Variants in AMBN observed in about 807,000 individuals in gnomAD.
AMBN encodes the protein ameloblastin, also known as enamel matrix protein.
In AMBN, 54 loss-of-function variants were observed where a neutral mutation model predicts 48.0. The ratio of observed to expected loss-of-function variants is 1.12; its 90% confidence interval spans 0.90 to 1.41. The LOEUF is 1.41. Among genes scored for constraint, AMBN ranks in the 40% most tolerant of loss-of-function variants. The pLI is 0.00. For synonymous variants in AMBN, 186 were observed against 190.0 expected (o/e 0.98, Z 0.17); for missense variants, 571 against 547.3 (o/e 1.04, Z -0.43).
chr4:70,597,997 A>G (rs1737425712), intron 3 of AMBN, among the ~76,000 whole-genome samples: 1 of 152,144 alleles, frequency 6.6e-6, no homozygotes, highest in Admixed American at 6.5e-5. Context: ...CTGAACTTGT[A>G]AAGGGCAAAG....
intron 4 of AMBN, among the ~76,000 whole-genome samples, 180 bp downstream of exon 4, chr4:70,598,583 T>C (rs878993086): frequency 6.6e-6 from 1 of 152,126 alleles, no homozygotes; most frequent in African/African-American, 2.4e-5. Flanking sequence ...AAAAACAATA[T>C]TGAATTTTAT....
intron 2 of AMBN, among the ~76,000 whole-genome samples, chr4:70,596,461 A>T (rs1369988242): frequency 6.6e-6 from 1 of 152,156 alleles, no homozygotes; most frequent in Non-Finnish European, 1.5e-5. Flanking sequence ...TTACACATAA[A>T]ATAATCTTTC....
At position 70,602,961 on chromosome 4, in the gene AMBN, C is replaced by A. The variant is rs567531034; in HGVS notation, c.610-11C>A. 5 of 1,593,776 alleles carry A rather than the reference C, an allele frequency of 3.1e-6. No homozygotes were observed. The East Asian group carries it at 1.1e-4, about 36-fold the overall frequency. ...TTTGACTGATAATTTTAATATTTAT[C>A]TGTAATATAGCTCCCAGGATTGGAT... On this transcript the variant is annotated splice_polypyrimidine_tract_variant and intron_variant, in intron 8 of 12. Coordinates refer to ENST00000322937, the MANE Select transcript of AMBN (RefSeq NM_016519.6).
At chr4:70,601,298 A>C in intron 5 of AMBN, 120 bp from the exon 6 acceptor site, 1 of 1,010,464 alleles carries the variant, frequency 9.9e-7, no homozygotes, top group Non-Finnish European at 1.5e-6. Flanking sequence ...CAACTTCAAG[A>C]CAAGTCTCCT....
In AMBN at chr4:70,603,885, TGCCA is replaced by T; in HGVS notation, c.764_767del (p.Ala255AspfsTer5). 6.2e-7 allele frequency: 1 copy of T among 1,614,074 alleles called. No homozygotes were observed. Among genetic ancestry groups the T allele is most frequent in the Non-Finnish European group, 8.5e-7 (1 of 1,179,958 alleles). ...TATTTCTTTTTGAACAGAATGCCCC[TGCCA>T]GACTTGGCATCATGAGTTCAGAAGA... is the stretch of plus-strand genomic sequence containing the variant. On this transcript the variant is annotated frameshift_variant, in exon 12 of 13. Transcript: ENST00000322937. LOFTEE classifies it low-confidence loss of function (END_TRUNC).
chr4:70,597,418 C>T (rs1170955892), intron 3 of AMBN, among the ~76,000 whole-genome samples: 1 of 151,954 alleles, frequency 6.6e-6, no homozygotes, highest in Non-Finnish European at 1.5e-5. Context: ...ATAAAGTTCT[C>T]ATGAAAAATT....
At position 70,606,455 on chromosome 4, in the gene AMBN, C is replaced by T. The variant is rs757573332; in HGVS notation, c.1069C>T (p.Pro357Ser). ...TCCCCACGCAGGGCTCCTTGCTCTC[C>T]CTAAGGATGACATTCCCGGCCTGCC... ...PAPHAGLLAL[P>S]KDDIPGLPRS... The change falls in exon 13 of 13, where the codon CCT becomes TCT. Residue 357 changes from proline (P) to serine (S), a missense_variant. Coordinates refer to ENST00000322937, the MANE Select transcript of AMBN (RefSeq NM_016519.6). The T allele has an allele frequency of 7.4e-6, 12 of 1,613,966 alleles. No homozygotes were observed. In the East Asian group the frequency reaches 2.7e-4, roughly 36 times the overall value.
At chr4:70,600,173 G>A (rs1407320379) in intron 5 of AMBN, among the ~76,000 whole-genome samples, 1 of 152,090 alleles carries the variant, frequency 6.6e-6, no homozygotes, top group Non-Finnish European at 1.5e-5. Context: ...CAGGCATGGT[G>A]GCAGGCACCT....
Position 70,601,488 on chromosome 4 carries a change from G to A in AMBN, c.365G>A (p.Gly122Glu). Residue 122 changes from glycine to glutamate, a missense_variant, in exon 6 of 13, where the codon GGA becomes GAA. Coordinates refer to ENST00000322937, the MANE Select transcript of AMBN (RefSeq NM_016519.6). ...CCATCCTTGAAGCCTCAACAGCCAG[G>A]ACTGAAACCTTTTCTCCAGTCTGCT... The part of the protein sequence containing the change: ...SQPSLKPQQP[G>E]LKPFLQSAAA... The A allele has an allele frequency of 6.2e-7, 1 of 1,614,158 alleles. No individual in the cohort carries two copies. Among genetic ancestry groups the A allele is most frequent in the South Asian group, 1.1e-5 (1 of 91,078 alleles).
rs373505344 is a variant in AMBN, at chr4:70,606,580, C to T, written c.1194C>T (p.Tyr398=). 1.9e-5 allele frequency: 31 copies of T among 1,614,004 alleles called. No individual in the cohort carries two copies. Among genetic ancestry groups the T allele is most frequent in the Non-Finnish European group, 2.4e-5 (28 of 1,180,012 alleles). Residue 398 remains tyrosine, a synonymous_variant, in exon 13 of 13, where the codon TAC becomes TAT. Coordinates refer to ENST00000322937, the MANE Select transcript of AMBN (RefSeq NM_016519.6). ...AATTAGCTGATGTTTATAGGACCTA[C>T]GATGCTGACATGACCACATCCGTGG... ...TPELADVYRT[Y]DADMTTSVDF... is the part of the protein sequence containing the mutation.
At position 70,602,793 on chromosome 4, in the gene AMBN, T is replaced by C. The variant is rs1327585593; in HGVS notation, c.571-5T>C. On this transcript the variant is annotated splice_polypyrimidine_tract_variant and splice_region_variant and intron_variant, in intron 7 of 12. Transcript: ENST00000322937. The stretch of plus-strand genomic sequence containing the variant: ...TGATAATTTTAATATTTATCTACAA[T>C]ATAGCTCCCAGGAATGGATTTTCCT... 1 of 1,583,708 alleles carries C rather than the reference T, an allele frequency of 6.3e-7. No homozygotes were observed. The highest frequency in any genetic ancestry group is 1.7e-5 in the Admixed American group (1 of 57,684).
intron 2 of AMBN, among the ~76,000 whole-genome samples, chr4:70,595,328 C>T (rs1486395635): frequency 1.3e-5 from 2 of 151,704 alleles, no homozygotes; most frequent in Non-Finnish European, 2.9e-5. Context: ...GCTGGGATTA[C>T]AGGCACGTGT....
rs545603808 is a variant in AMBN at position 70,606,591 on chromosome 4, T to C, written c.1205T>C (p.Met402Thr). The C allele has an allele frequency of 3.8e-5, 62 of 1,614,018 alleles. No homozygotes were observed. The highest frequency in any genetic ancestry group is 5.1e-5 in the Non-Finnish European group (60 of 1,180,014). ...ADVYRTYDADMTTSVDFQEEA... is the reference protein window; with the variant it reads ...ADVYRTYDADTTTSVDFQEEA... ...GTTTATAGGACCTACGATGCTGACA[T>C]GACCACATCCGTGGATTTCCAGGAA... Residue 402 changes from methionine (M) to threonine (T), a missense_variant, in exon 13 of 13, where the codon ATG (methionine) becomes ACG (threonine). By Grantham distance (81) the Met-to-Thr change is moderately conservative. Transcript: ENST00000322937.
At chr4:70,592,434 G>T in intron 1 of AMBN, 61 bp downstream of exon 1, 2 of 1,569,320 alleles carry the variant, frequency 1.3e-6, no homozygotes, top group Admixed American at 3.4e-5. Flanking sequence ...CCTATCTCCT[G>T]ACAGCTTTTA....
intron 2 of AMBN, among the ~76,000 whole-genome samples, chr4:70,593,864 A>T (rs1363706453): frequency 6.3e-5 from 2 of 31,886 alleles, no homozygotes; most frequent in East Asian, 1.0e-3. Context: ...GACTCCATTT[A>T]AAAAAAAAAA....
intron 1 of AMBN, 141 bp downstream of exon 1, chr4:70,592,514 C>T (rs1035916125): frequency 2.4e-6 from 2 of 846,820 alleles, no homozygotes; most frequent in Non-Finnish European, 3.8e-6. Flanking sequence ...TAGCATGTCC[C>T]AGAGATGACA....
intron 11 of AMBN, 38 bp from the exon 12 acceptor site, chr4:70,603,839 C>T (rs7439191): frequency 0.07 from 112,881 of 1,608,346 alleles, 4,423 homozygotes; most frequent in Middle Eastern, 0.13. Flanking sequence ...AAGAAGGTAG[C>T]TGGTTCGTAA....
intron 12 of AMBN, among the ~76,000 whole-genome samples, chr4:70,604,992 T>TAAA (rs67400307): frequency 1.4e-5 from 2 of 145,150 alleles, no homozygotes; most frequent in African/African-American, 2.6e-5. Flanking sequence ...GACCCTGCCT[T>TAAA]AAAAAAAAAA....
At chr4:70,593,429 G>A (rs2109798636) in intron 2 of AMBN, 34 bp downstream of exon 2, 3 of 1,557,390 alleles carry the variant, frequency 1.9e-6, no homozygotes, top group Non-Finnish European at 1.8e-6. Context: ...CCCAGAAAAG[G>A]TTATTGATTG....
Sources: gnomAD v4.1 joint callset for allele counts (sites outside exome capture counted in the v4.1 genomes callset) on GRCh38, gnomAD v4.1.1 for gene constraint, MANE v1.5 for transcripts, NCBI Gene and HGNC (gene_info 2026-07-23, HGNC 2026-07-21) for gene names.